Variants in UVRAG observed in about 807,000 individuals in gnomAD.
The protein encoded by UVRAG is UV radiation resistance-associated gene protein.
UVRAG carries 19 observed loss-of-function variants against 78.0 expected under a neutral mutation model. The observed-to-expected ratio is 0.24, with a 90% CI of 0.17 to 0.36. The LOEUF is 0.36. Ranked by LOEUF, UVRAG falls within the 10% of genes least tolerant of loss-of-function variation. The probability of loss-of-function intolerance (pLI) is 1.00; values close to 1 mark genes in which losing one functional copy is unlikely to be tolerated. For missense variants in UVRAG, 740 were observed against 853.8 expected (o/e 0.87, Z 1.66); for synonymous variants, 323 against 324.6 (o/e 1.00, Z 0.05).
At chr11:76,063,525 A>G (rs1951131670) in intron 12 of UVRAG, among the ~76,000 whole-genome samples, 1 of 152,198 alleles carries the variant, frequency 6.6e-6, no homozygotes, top group African/African-American at 2.4e-5. Flanking sequence ...TATTTATAGA[A>G]AGAGCTACAA....
At chr11:76,093,891 C>T (rs548870367) in intron 13 of UVRAG, among the ~76,000 whole-genome samples, 1 of 152,304 alleles carries the variant, frequency 6.6e-6, no homozygotes, top group Admixed American at 6.5e-5. Flanking sequence ...ACTTCTAACA[C>T]TATATTGAAT....
intron 9 of UVRAG, among the ~76,000 whole-genome samples, chr11:76,004,578 C>T (rs1169525623): frequency 6.6e-6 from 1 of 150,660 alleles, no homozygotes; most frequent in Admixed American, 6.6e-5. Flanking sequence ...TATTTTTTAT[C>T]TTCTTTTTTT....
chr11:75,971,417 C>T (rs897745214), intron 7 of UVRAG, among the ~76,000 whole-genome samples: 1 of 152,178 alleles, frequency 6.6e-6, no homozygotes, highest in African/African-American at 2.4e-5. Context: ...GAGAAACTGC[C>T]AGACTCTGCC....
intron 12 of UVRAG, among the ~76,000 whole-genome samples, chr11:76,025,619 T>TA (rs1330332750): frequency 1.8e-4 from 28 of 152,262 alleles, no homozygotes; most frequent in Non-Finnish European, 1.2e-4. Context: ...TTTGTGTACT[T>TA]ATGTTTGTTC....
intron 1 of UVRAG, among the ~76,000 whole-genome samples, chr11:75,840,754 C>T (rs913480869): frequency 4.6e-5 from 7 of 152,166 alleles, no homozygotes; most frequent in Non-Finnish European, 1.0e-4. Flanking sequence ...AAATCTGTAA[C>T]TTGGTTGGCA....
intron 13 of UVRAG, among the ~76,000 whole-genome samples, chr11:76,112,241 C>T (rs1423912411): frequency 2.6e-5 from 4 of 152,090 alleles, no homozygotes; most frequent in Admixed American, 6.5e-5. Context: ...AGCATGTTAA[C>T]GGGTTTCTCA....
rs537442343 is a variant in UVRAG at position 75,886,041 on chromosome 11, A to G, written c.433-2788A>G. Among the ~76,000 whole-genome samples the G allele has an allele frequency of 5.9e-5, 9 of 152,264 alleles. No individual in the cohort carries two copies. The South Asian group carries it at 1.9e-3, about 32-fold the overall frequency. On this transcript the variant is annotated intron_variant, in intron 4 of 14. Coordinates refer to ENST00000356136, the MANE Select transcript of UVRAG (RefSeq NM_003369.4). ...ATACCATTAACATTGATAAACTACT[A>G]TATGTTGGATAGAGTAGGGGTACCA...
chr11:76,102,861 C>T (rs1439877970), intron 13 of UVRAG, among the ~76,000 whole-genome samples: 1 of 152,134 alleles, frequency 6.6e-6, no homozygotes, highest in East Asian at 1.9e-4. Flanking sequence ...TGGGTGGGCT[C>T]AGCTGGTTTC....
chr11:76,137,924 A>T lies in UVRAG; in HGVS notation c.1398-2787A>T, dbSNP rs115118044. The stretch of plus-strand genomic sequence containing the variant: ...TTTGTCTCTAAAAAAATTTTTTTTT[A>T]AATTAAAAAATAAAAAGAGAGAGAA... On this transcript the variant is annotated intron_variant, in intron 14 of 14. Transcript: ENST00000356136. Among the ~76,000 whole-genome samples, 545 of 152,212 alleles carry T rather than the reference A, an allele frequency of 3.6e-3. 2 individuals carry two copies. The highest frequency in any genetic ancestry group is 0.011 in the African/African-American group (457 of 41,530).
intron 5 of UVRAG, among the ~76,000 whole-genome samples, chr11:75,909,589 T>TA (rs1379951695): frequency 1.3e-5 from 2 of 152,246 alleles, no homozygotes; most frequent in Non-Finnish European, 2.9e-5. Context: ...TGCTTCTGTA[T>TA]AGCTCTATTC....
intron 14 of UVRAG, among the ~76,000 whole-genome samples, chr11:76,140,297 G>A (rs1023494474): frequency 1.3e-5 from 2 of 151,856 alleles, no homozygotes; most frequent in African/African-American, 4.8e-5. Flanking sequence ...GCTTTTCAAA[G>A]CTAAAATAAG....
chr11:76,122,695 C>T (rs1241776663), intron 14 of UVRAG, among the ~76,000 whole-genome samples: 1 of 152,136 alleles, frequency 6.6e-6, no homozygotes, highest in Non-Finnish European at 1.5e-5. Flanking sequence ...GGCTCATGCT[C>T]TCTTGTACAT....
At chr11:75,973,728 C>T (rs1021075974) in intron 7 of UVRAG, among the ~76,000 whole-genome samples, 5 of 152,154 alleles carry the variant, frequency 3.3e-5, no homozygotes, top group Admixed American at 6.5e-5. Flanking sequence ...CCACGACAGG[C>T]CCTGGTGTGT....
intron 14 of UVRAG, among the ~76,000 whole-genome samples, chr11:76,132,126 A>G (rs1239831575): frequency 6.6e-6 from 1 of 152,186 alleles, no homozygotes; most frequent in East Asian, 1.9e-4. Flanking sequence ...GTGAGAAACT[A>G]TTATTGCTTT....
chr11:75,980,794 GC>G (rs1366461290), intron 7 of UVRAG, among the ~76,000 whole-genome samples: 2 of 150,906 alleles, frequency 1.3e-5, no homozygotes, highest in African/African-American at 4.9e-5. Context: ...CAATTCTCCT[GC>G]CTCAGCCTCT....
chr11:76,095,499 ATG>A (rs1434598268), intron 13 of UVRAG, among the ~76,000 whole-genome samples: 1 of 151,198 alleles, frequency 6.6e-6, no homozygotes, highest in Non-Finnish European at 1.5e-5. Flanking sequence ...ATATAAATAT[ATG>A]TCTCATATAT....
At chr11:76,068,311 C>CT (rs1352749952) in intron 13 of UVRAG, among the ~76,000 whole-genome samples, 2 of 152,156 alleles carry the variant, frequency 1.3e-5, no homozygotes, top group African/African-American at 2.4e-5. Context: ...AGGCCTCTGA[C>CT]TTTATTATTA....
intron 6 of UVRAG, among the ~76,000 whole-genome samples, chr11:75,939,265 A>G (rs1014400721): frequency 6.6e-6 from 1 of 152,186 alleles, no homozygotes; most frequent in Non-Finnish European, 1.5e-5. Context: ...GGTGTGGACC[A>G]TACCTTGCTA....
intron 12 of UVRAG, among the ~76,000 whole-genome samples, chr11:76,044,944 C>T (rs898825741): frequency 6.6e-6 from 1 of 151,986 alleles, no homozygotes; most frequent in African/African-American, 2.4e-5. Context: ...TCTAAGAGCT[C>T]GCAAGGGGGA....
Sources: allele counts gnomAD v4.1 joint callset (sites outside exome capture counted in the v4.1 genomes callset), GRCh38; gene constraint gnomAD v4.1.1; transcripts MANE v1.5; gene names NCBI Gene and HGNC (gene_info 2026-07-23, HGNC 2026-07-21).